Variants in KCNMA1 observed in about 807,000 individuals in gnomAD.
KCNMA1 encodes the protein potassium calcium-activated channel subfamily M alpha 1, also known as Calcium-activated potassium channel subunit alpha-1.
Under a neutral mutation model 140.0 loss-of-function variants are expected in KCNMA1, and 29 were observed. The observed-to-expected ratio is 0.21, with a 90% CI of 0.15 to 0.28. The LOEUF (loss-of-function observed/expected upper bound fraction) is 0.28. Ranked by LOEUF, KCNMA1 falls within the 10% of genes least tolerant of loss-of-function variation. The pLI is 1.00. For synonymous variants in KCNMA1, 612 were observed against 611.9 expected (o/e 1.00, Z 0.00); for missense variants, 880 against 1,602.2 (o/e 0.55, Z 7.70).
At chr10:77,162,003 C>T (rs188281416) in intron 5 of KCNMA1, among the ~76,000 whole-genome samples, 1 of 152,172 alleles carries the variant, frequency 6.6e-6, no homozygotes, top group Non-Finnish European at 1.5e-5. Context: ...CAAATTACAT[C>T]CCCAAATCCT....
intron 14 of KCNMA1, among the ~76,000 whole-genome samples, chr10:77,067,351 C>T (rs1286630838): frequency 2.0e-5 from 3 of 152,164 alleles, no homozygotes; most frequent in Non-Finnish European, 4.4e-5. Context: ...ATTGACTTTG[C>T]TGGTTCTCAG....
At chr10:77,171,002 T>C (rs1597803903) in intron 5 of KCNMA1, among the ~76,000 whole-genome samples, 2 of 152,294 alleles carry the variant, frequency 1.3e-5, no homozygotes, top group East Asian at 3.9e-4. Context: ...TACTGATATT[T>C]AGGAGCACAA....
At chr10:77,251,759 T>A (rs1045967112) in intron 2 of KCNMA1, among the ~76,000 whole-genome samples, 3 of 152,314 alleles carry the variant, frequency 2.0e-5, no homozygotes, top group Non-Finnish European at 2.9e-5. Context: ...AGTTATGCAA[T>A]CATCACTGTA....
chr10:77,466,985 G>A (rs945887112), intron 1 of KCNMA1, among the ~76,000 whole-genome samples: 1 of 152,082 alleles, frequency 6.6e-6, no homozygotes, highest in African/African-American at 2.4e-5. Flanking sequence ...AGAAAAAGTA[G>A]AGAAAAGAAA....
chr10:77,513,979 G>A (rs879616735), intron 1 of KCNMA1, among the ~76,000 whole-genome samples: 2 of 152,216 alleles, frequency 1.3e-5, no homozygotes, highest in Non-Finnish European at 2.9e-5. Flanking sequence ...TCCAGCGGGC[G>A]GGACTGTGAC....
chr10:77,369,714 C>T (rs1434236600), intron 2 of KCNMA1, among the ~76,000 whole-genome samples: 2 of 152,188 alleles, frequency 1.3e-5, no homozygotes, highest in Non-Finnish European at 2.9e-5. Context: ...ACTCTAAAAA[C>T]CTGCTCTCTT....
intron 1 of KCNMA1, among the ~76,000 whole-genome samples, chr10:77,442,672 C>T (rs1297625857): frequency 2.0e-5 from 3 of 152,148 alleles, no homozygotes; most frequent in Admixed American, 6.5e-5. Flanking sequence ...ACAGCAAGTG[C>T]TTGCTAAGGG....
chr10:76,942,594 T>G lies in KCNMA1; in HGVS notation c.2902+2179A>C, dbSNP rs181825475. On this transcript the variant is annotated intron_variant, in intron 23 of 27. Coordinates refer to ENST00000286628, the MANE Select transcript of KCNMA1 (RefSeq NM_001161352.2). ...TTTGGGCACCGGGGAGTGGAAGAAT[T>G]GTTACCAGTTTGGCCTTTATATAGG... Among the ~76,000 whole-genome samples, 15 of 152,286 alleles carry G rather than the reference T, an allele frequency of 9.8e-5. No homozygotes were observed. In the East Asian group the frequency reaches 2.9e-3, roughly 29 times the overall value.
At chr10:76,902,241 C>A (rs544510180) in intron 25 of KCNMA1, 7 of 152,352 alleles carry the variant, frequency 4.6e-5, no homozygotes, top group Admixed American at 1.3e-4. Context: ...CTACAACTCA[C>A]CTGACCCAGA....
intron 1 of KCNMA1, among the ~76,000 whole-genome samples, chr10:77,516,208 G>A (rs372454813): frequency 2.5e-4 from 30 of 122,102 alleles, no homozygotes; most frequent in African/African-American, 9.2e-4. Flanking sequence ...ACTCCGCCCC[G>A]CCACAGCCAC....
At chr10:77,382,990 G>GTATATATATATATATA (rs1401181000) in intron 2 of KCNMA1, among the ~76,000 whole-genome samples, 3 of 42,598 alleles carry the variant, frequency 7.0e-5, no homozygotes, top group African/African-American at 5.3e-4. Context: ...GTGTGTGTGT[G>GTATATATATATATATA]TGTGTATATA....
chr10:77,032,313 C>T (rs570911627), intron 15 of KCNMA1, among the ~76,000 whole-genome samples: 8 of 152,170 alleles, frequency 5.3e-5, no homozygotes, highest in Non-Finnish European at 1.2e-4. Flanking sequence ...CATTAGCCAT[C>T]TAATCCTTAT....
intron 25 of KCNMA1, among the ~76,000 whole-genome samples, chr10:76,897,872 T>C (rs1589856113): frequency 6.6e-6 from 1 of 151,922 alleles, no homozygotes; most frequent in South Asian, 2.1e-4. Context: ...TTGCCTGATC[T>C]TATACAAGGA....
At chr10:77,287,730 C>T (rs961145750) in intron 2 of KCNMA1, among the ~76,000 whole-genome samples, 48 of 152,288 alleles carry the variant, frequency 3.2e-4, no homozygotes, top group African/African-American at 1.0e-3. Context: ...CATGTGCAAG[C>T]TGAAAGCACA....
chr10:77,070,733 T>C (rs1364436463), intron 14 of KCNMA1, among the ~76,000 whole-genome samples: 1 of 152,064 alleles, frequency 6.6e-6, no homozygotes, highest in Non-Finnish European at 1.5e-5. Context: ...GAATGGGAGA[T>C]AATACATAAA....
intron 2 of KCNMA1, among the ~76,000 whole-genome samples, chr10:77,396,247 G>A (rs1270277188): frequency 6.6e-6 from 1 of 152,096 alleles, no homozygotes; most frequent in African/African-American, 2.4e-5. Context: ...CAAGGCATTG[G>A]CCAATGATGT....
intron 2 of KCNMA1, among the ~76,000 whole-genome samples, chr10:77,258,523 T>C (rs1041719148): frequency 6.6e-6 from 1 of 152,188 alleles, no homozygotes; most frequent in Non-Finnish European, 1.5e-5. Context: ...AAAGCCCATG[T>C]TTTTGCAGGC....
At chr10:76,889,409 TC>T in intron 27 of KCNMA1, 41 bp downstream of exon 27, 1 of 1,273,736 alleles carries the variant, frequency 7.9e-7, no homozygotes, top group East Asian at 2.3e-5. Flanking sequence ...TATTAATATT[TC>T]TGTGATTAGG....
chr10:77,476,586 C>T (rs2098284288), intron 1 of KCNMA1, among the ~76,000 whole-genome samples: 1 of 152,208 alleles, frequency 6.6e-6, no homozygotes, highest in South Asian at 2.1e-4. Context: ...TTGGCTCCTG[C>T]TGTCACAGGC....
Sources: allele counts gnomAD v4.1 joint callset (sites outside exome capture counted in the v4.1 genomes callset), GRCh38; gene constraint gnomAD v4.1.1; transcripts MANE v1.5; gene names NCBI Gene and HGNC (gene_info 2026-07-23, HGNC 2026-07-21).